The following ENOX1 variants were observed in gnomAD, a reference collection of about 807,000 sequenced individuals.
ENOX1 encodes the protein ecto-NOX disulfide-thiol exchanger 1, also known as candidate growth-related and time keeping constitutive hydroquinone (NADH) oxidase.
Under a neutral mutation model 82.5 loss-of-function variants are expected in ENOX1, and 42 were observed. The ratio of observed to expected loss-of-function variants is 0.51; its 90% CI spans 0.40 to 0.66. The LOEUF is 0.66. Ranked by LOEUF, ENOX1 falls within the 30% of genes least tolerant of loss-of-function variation. The probability of loss-of-function intolerance (pLI) is 0.00; values close to 1 mark genes in which losing one functional copy is unlikely to be tolerated. For missense variants in ENOX1, 608 were observed against 811.6 expected (o/e 0.75, Z 3.05); for synonymous variants, 271 against 282.2 (o/e 0.96, Z 0.40).
intron 2 of ENOX1, among the ~76,000 whole-genome samples, chr13:43,596,966 T>C (rs938552843): frequency 6.6e-6 from 1 of 152,112 alleles, no homozygotes; most frequent in African/African-American, 2.4e-5. Flanking sequence ...GACTGAGTAA[T>C]TTATGAAGAA....
At chr13:43,509,283 G>C (rs958964905) in intron 2 of ENOX1, among the ~76,000 whole-genome samples, 1 of 152,054 alleles carries the variant, frequency 6.6e-6, no homozygotes, top group East Asian at 1.9e-4. Context: ...GTTAGAGAAA[G>C]AGGAACACTG....
At chr13:43,611,933 A>G (rs1180401712) in intron 2 of ENOX1, among the ~76,000 whole-genome samples, 3 of 152,224 alleles carry the variant, frequency 2.0e-5, no homozygotes, top group African/African-American at 7.2e-5. Flanking sequence ...ATGCTCTCCA[A>G]GAGTCTGATA....
In ENOX1 at chr13:43,573,688, T is replaced by C. The variant is rs545775783; in HGVS notation, c.-218-89536A>G. 6.3e-4 allele frequency among the ~76,000 whole-genome samples: 96 copies of C among 152,306 alleles called. 1 individual carries two copies. Among genetic ancestry groups the C allele is most frequent in the Non-Finnish European group, 1.0e-3 (71 of 68,030 alleles). On this transcript the variant is annotated intron_variant, in intron 2 of 16. Transcript: ENST00000690772. ...ATGGAGGGCTACACATTTCATTCCA[T>C]AGTTCCCATTCAATATAAATATGGC... is the stretch of plus-strand genomic sequence containing the variant.
In ENOX1 at chr13:43,590,015, C is replaced by T. The variant is rs566934347; in HGVS notation, c.-219+77464G>A. ...ATATGTAGGTGAGGAACTAAGCCAACAGCAAGCTACAAATTTGCTTGATGG... is the reference window on the plus strand; with the variant it reads ...ATATGTAGGTGAGGAACTAAGCCAATAGCAAGCTACAAATTTGCTTGATGG... On this transcript the variant is annotated intron_variant, in intron 2 of 16. Transcript: ENST00000690772. 7.2e-5 allele frequency among the ~76,000 whole-genome samples: 11 copies of T among 151,884 alleles called. 1 individual carries two copies. The South Asian group carries it at 2.3e-3, about 32-fold the overall frequency.
At chr13:43,261,804 A>C (rs2044076954) in intron 14 of ENOX1, among the ~76,000 whole-genome samples, 1 of 134,066 alleles carries the variant, frequency 7.5e-6, no homozygotes. Context: ...TCACATGGAC[A>C]CAGGAAGGGG....
At chr13:43,472,922 A>C (rs1320600604) in intron 3 of ENOX1, among the ~76,000 whole-genome samples, 1 of 152,218 alleles carries the variant, frequency 6.6e-6, no homozygotes, top group Non-Finnish European at 1.5e-5. Context: ...AGCATTTCCA[A>C]CCAATAAATT....
intron 3 of ENOX1, among the ~76,000 whole-genome samples, chr13:43,445,732 T>A (rs1015569203): frequency 6.6e-6 from 1 of 152,150 alleles, no homozygotes; most frequent in African/African-American, 2.4e-5. Flanking sequence ...CATGGAACAA[T>A]CTTTCCTATT....
chr13:43,267,709 C>T (rs940428021), intron 13 of ENOX1, among the ~76,000 whole-genome samples: 3 of 152,188 alleles, frequency 2.0e-5, no homozygotes, highest in Non-Finnish European at 4.4e-5. Context: ...AACCTGTACC[C>T]TGCATGGCCC....
At chr13:43,316,131 CAT>C (rs2047467862) in intron 11 of ENOX1, among the ~76,000 whole-genome samples, 1 of 152,156 alleles carries the variant, frequency 6.6e-6, no homozygotes, top group South Asian at 2.1e-4. Context: ...TCAAGGGACT[CAT>C]AGCACTAAGC....
chr13:43,654,939 C>T (rs1257084062), intron 2 of ENOX1, among the ~76,000 whole-genome samples: 2 of 152,088 alleles, frequency 1.3e-5, no homozygotes. Flanking sequence ...AGTTTAATGC[C>T]ACTCCAACCA....
intron 10 of ENOX1, among the ~76,000 whole-genome samples, chr13:43,323,306 T>C (rs1303791533): frequency 6.6e-6 from 1 of 152,222 alleles, no homozygotes; most frequent in East Asian, 1.9e-4. Context: ...TCACATAATT[T>C]AGAGCCACAG....
chr13:43,247,155 A>C (rs2043123924), intron 14 of ENOX1, among the ~76,000 whole-genome samples: 1 of 152,078 alleles, frequency 6.6e-6, no homozygotes, highest in Non-Finnish European at 1.5e-5. Flanking sequence ...GTCTCTACTA[A>C]AAATATAAAA....
intron 3 of ENOX1, among the ~76,000 whole-genome samples, chr13:43,468,287 T>G (rs1483615928): frequency 2.0e-5 from 3 of 151,890 alleles, no homozygotes; most frequent in African/African-American, 7.3e-5. Flanking sequence ...GTTCAAGCAA[T>G]TCTCCTGCCT....
At chr13:43,602,623 C>T (rs1175314184) in intron 2 of ENOX1, among the ~76,000 whole-genome samples, 1 of 151,994 alleles carries the variant, frequency 6.6e-6, no homozygotes, top group Non-Finnish European at 1.5e-5. Context: ...TTCTAATCCA[C>T]AATTTGACAA....
At chr13:43,651,695 T>TA (rs57810969) in intron 2 of ENOX1, among the ~76,000 whole-genome samples, 1,471 of 96,934 alleles carry the variant, frequency 0.015, 112 homozygotes, top group African/African-American at 0.048. Context: ...AGACTCTGTC[T>TA]AAAAAAAAAA....
At chr13:43,281,210 T>C (rs377229713) in intron 12 of ENOX1, among the ~76,000 whole-genome samples, 2 of 151,838 alleles carry the variant, frequency 1.3e-5, no homozygotes, top group African/African-American at 4.8e-5. Flanking sequence ...ATAATAATAA[T>C]AGCAGCAGCA....
chr13:43,453,231 A>G (rs984286141), intron 3 of ENOX1, among the ~76,000 whole-genome samples: 8 of 152,150 alleles, frequency 5.3e-5, no homozygotes, highest in Non-Finnish European at 1.2e-4. Flanking sequence ...CATCAGTGCC[A>G]GGCTACCTGT....
chr13:43,340,253 C>T lies in ENOX1; in HGVS notation c.1036+4285G>A, dbSNP rs116291252. Among the ~76,000 whole-genome samples, 638 of 152,300 alleles carry T rather than the reference C, an allele frequency of 4.2e-3. 1 individual carries two copies. The highest frequency in any genetic ancestry group is 0.015 in the African/African-American group (608 of 41,550). The stretch of plus-strand genomic sequence containing the variant: ...TTCTGAGGTTGCTCAATGAGATATG[C>T]AATCTTCTGGTTCTGCCTCACAGGC... On this transcript the variant is annotated intron_variant, in intron 9 of 16. Coordinates refer to ENST00000690772, the MANE Select transcript of ENOX1 (RefSeq NM_001347969.2).
chr13:43,545,569 T>C (rs1252108695), intron 2 of ENOX1: 1 of 152,274 alleles, frequency 6.6e-6, no homozygotes, highest in African/African-American at 2.4e-5. Context: ...GTGGGGAGTG[T>C]GGAGCTTCCC....
Sources: allele counts gnomAD v4.1 joint callset (sites outside exome capture counted in the v4.1 genomes callset), GRCh38; gene constraint gnomAD v4.1.1; transcripts MANE v1.5; gene names NCBI Gene and HGNC (gene_info 2026-07-23, HGNC 2026-07-21).